Variants in SYN3 observed in about 807,000 individuals in gnomAD.
SYN3 encodes the protein synapsin III.
Under a neutral mutation model 65.8 loss-of-function variants are expected in SYN3, and 35 were observed. The observed-to-expected ratio is 0.53, with a 90% CI of 0.41 to 0.70. The LOEUF is 0.70. Among genes scored for constraint, SYN3 ranks in the 30% least tolerant of loss-of-function variants. The pLI is 0.00. For synonymous variants in SYN3, 270 were observed against 292.9 expected (o/e 0.92, Z 0.80); for missense variants, 680 against 749.0 (o/e 0.91, Z 1.08).
intron 6 of SYN3, among the ~76,000 whole-genome samples, chr22:32,715,012 C>T (rs2061017069): frequency 6.6e-6 from 1 of 152,156 alleles, no homozygotes. Context: ...CTCCTTCCCC[C>T]AAGATGCTTC....
At chr22:32,844,030 A>G (rs926744680) in intron 6 of SYN3, among the ~76,000 whole-genome samples, 1 of 152,136 alleles carries the variant, frequency 6.6e-6, no homozygotes, top group Non-Finnish European at 1.5e-5. Context: ...CGTTGATGCT[A>G]CCATGGGTGG....
intron 7 of SYN3, among the ~76,000 whole-genome samples, chr22:32,592,783 C>A (rs777704870): frequency 3.9e-5 from 6 of 152,174 alleles, no homozygotes; most frequent in Non-Finnish European, 8.8e-5. Context: ...TTCTACCAGG[C>A]CCCCAACAAC....
chr22:32,919,372 C>T (rs1406347580), intron 4 of SYN3, among the ~76,000 whole-genome samples: 1 of 152,212 alleles, frequency 6.6e-6, no homozygotes, highest in East Asian at 1.9e-4. Context: ...TGATTGTTTT[C>T]TGCAACTCTA....
intron 2 of SYN3, among the ~76,000 whole-genome samples, chr22:32,993,966 G>A (rs925979027): frequency 9.9e-5 from 15 of 151,796 alleles, no homozygotes; most frequent in African/African-American, 3.4e-4. Context: ...TCCTGTTTCC[G>A]AGGGTGAAGC....
At chr22:32,700,603 C>T (rs527655921) in intron 6 of SYN3, among the ~76,000 whole-genome samples, 30 of 152,320 alleles carry the variant, frequency 2.0e-4, no homozygotes, top group African/African-American at 7.0e-4. Flanking sequence ...CACTAAGCAC[C>T]GGTCACGTGC....
chr22:32,901,575 A>T (rs1030514955), intron 4 of SYN3, among the ~76,000 whole-genome samples: 7 of 152,128 alleles, frequency 4.6e-5, no homozygotes, highest in African/African-American at 1.4e-4. Context: ...CCTGCTTCAC[A>T]TATTTAGCTT....
intron 6 of SYN3, among the ~76,000 whole-genome samples, chr22:32,838,227 A>C (rs2047791380): frequency 6.6e-6 from 1 of 152,246 alleles, no homozygotes; most frequent in Non-Finnish European, 1.5e-5. Context: ...TGAGTGAATC[A>C]ATGAATTTCA....
At chr22:32,591,928 A>G (rs2059133038) in intron 7 of SYN3, among the ~76,000 whole-genome samples, 1 of 152,224 alleles carries the variant, frequency 6.6e-6, no homozygotes, top group Admixed American at 6.5e-5. Context: ...CCCACCCGTT[A>G]GCCACTTAGG....
intron 7 of SYN3, among the ~76,000 whole-genome samples, chr22:32,593,979 G>A (rs1444506236): frequency 6.6e-6 from 1 of 152,108 alleles, no homozygotes; most frequent in Non-Finnish European, 1.5e-5. Flanking sequence ...ACAGAAGGAT[G>A]GCCAGCCACT....
At chr22:32,535,257 C>T (rs920384570) in intron 9 of SYN3, among the ~76,000 whole-genome samples, 2 of 152,182 alleles carry the variant, frequency 1.3e-5, no homozygotes, top group Non-Finnish European at 2.9e-5. Flanking sequence ...CAGGGACCTA[C>T]ATTCTTGCTA....
intron 4 of SYN3, among the ~76,000 whole-genome samples, chr22:32,886,273 C>T (rs1316930559): frequency 1.3e-5 from 2 of 152,184 alleles, no homozygotes; most frequent in African/African-American, 2.4e-5. Context: ...AGCTTGAGAA[C>T]TCAGTCACTT....
At chr22:32,813,663 A>AT (rs130278) in intron 6 of SYN3, among the ~76,000 whole-genome samples, 66,863 of 146,718 alleles carry the variant, frequency 0.46, 15,165 homozygotes, top group African/African-American at 0.53. Flanking sequence ...GTAACACCCA[A>AT]TTTTTTTTTT....
chr22:32,512,510 T>A lies in SYN3; in HGVS notation c.*1182A>T, dbSNP rs893885738. On this transcript the variant is annotated 3_prime_UTR_variant, in exon 14 of 14. Coordinates refer to ENST00000358763, the MANE Select transcript of SYN3 (RefSeq NM_003490.4). ...AGCACTGGGAAGGGAGTTAGACTAC[T>A]TTTTCCAGCTCTGCAACTAACTTAT... 6.6e-6 allele frequency: 1 copy of A among 152,200 alleles called. No homozygotes were observed. The highest frequency in any genetic ancestry group is 1.5e-5 in the Non-Finnish European group (1 of 68,024). The allele number at this position is 152,200 out of a possible 1,614,324, so 9.4% of individuals were successfully genotyped here. A position where few individuals can be genotyped will look rare whatever the true frequency, so the allele number is the denominator to read the frequency against.
intron 6 of SYN3, among the ~76,000 whole-genome samples, chr22:32,671,684 TAC>T (rs374009278): frequency 1.8e-4 from 20 of 113,674 alleles, no homozygotes; most frequent in African/African-American, 5.3e-4. Context: ...CTCACACAGG[TAC>T]ACACACGCTG....
At chr22:33,018,715 G>A (rs1437285064) in intron 1 of SYN3, among the ~76,000 whole-genome samples, 1 of 152,212 alleles carries the variant, frequency 6.6e-6, no homozygotes, top group Admixed American at 6.5e-5. Context: ...CTGGACAGGA[G>A]AGTGGACATG....
At chr22:32,708,121 T>C (rs1443469389) in intron 6 of SYN3, among the ~76,000 whole-genome samples, 1 of 152,226 alleles carries the variant, frequency 6.6e-6, no homozygotes, top group African/African-American at 2.4e-5. Flanking sequence ...TAATTGCTAA[T>C]ACTGTTTAGT....
At chr22:32,611,287 T>G (rs980538225) in intron 6 of SYN3, among the ~76,000 whole-genome samples, 11 of 60,878 alleles carry the variant, frequency 1.8e-4, no homozygotes, top group African/African-American at 9.3e-4. Flanking sequence ...TTTTTTTGTT[T>G]TTTTTTTTTT....
intron 6 of SYN3, among the ~76,000 whole-genome samples, chr22:32,688,989 T>A (rs1328665548): frequency 1.3e-5 from 2 of 152,236 alleles, no homozygotes; most frequent in South Asian, 4.1e-4. Context: ...TCAATTTCTT[T>A]AATTGCAAAA....
intron 4 of SYN3, among the ~76,000 whole-genome samples, chr22:32,919,407 T>C (rs1432415031): frequency 6.6e-6 from 1 of 152,210 alleles, no homozygotes; most frequent in Middle Eastern, 3.2e-3. Flanking sequence ...GGAGCTACTG[T>C]CTATTTCATT....
Sources: allele counts gnomAD v4.1 joint callset (sites outside exome capture counted in the v4.1 genomes callset), GRCh38; gene constraint gnomAD v4.1.1; transcripts MANE v1.5; gene names NCBI Gene and HGNC (gene_info 2026-07-23, HGNC 2026-07-21).